The following CHST11 variants were observed in gnomAD, a reference collection of about 807,000 sequenced individuals.
CHST11 encodes carbohydrate sulfotransferase 11, also known as C4S-1.
In CHST11, 9 loss-of-function variants were observed where a neutral mutation model predicts 30.4. The ratio of observed to expected loss-of-function variants is 0.30; its 90% CI spans 0.18 to 0.52. The LOEUF is 0.52. Ranked by LOEUF, CHST11 falls within the 20% of genes least tolerant of loss-of-function variation. The pLI is 0.97. For missense variants in CHST11, 348 were observed against 460.6 expected (o/e 0.76, Z 2.24); for synonymous variants, 152 against 187.8 (o/e 0.81, Z 1.56).
chr12:104,646,101 C>T (rs2039427543), intron 2 of CHST11, among the ~76,000 whole-genome samples: 1 of 152,224 alleles, frequency 6.6e-6, no homozygotes. Flanking sequence ...GGTAATGGCT[C>T]CCATGCTGGC....
intron 1 of CHST11, among the ~76,000 whole-genome samples, chr12:104,530,043 C>T (rs1389259939): frequency 1.3e-5 from 2 of 152,098 alleles, no homozygotes; most frequent in Non-Finnish European, 2.9e-5. Flanking sequence ...CCTGTAATCC[C>T]AGCCAATTGG....
rs10695562 is a variant in CHST11, at chr12:104,761,501, A to ACACACACACACACACACACAC, written c.*3698_*3699insCACACACACACACACACACAC. The ACACACACACACACACACACAC allele has an allele frequency of 2.8e-5, 4 of 144,504 alleles. No individual in the cohort carries two copies. Among genetic ancestry groups the ACACACACACACACACACACAC allele is most frequent in the African/African-American group, 1.0e-4 (4 of 38,972 alleles). The allele number at this position is 144,504 out of a possible 1,614,324, so 9.0% of individuals were successfully genotyped here. On this transcript the variant is annotated 3_prime_UTR_variant, in exon 3 of 3. Coordinates refer to ENST00000303694, the MANE Select transcript of CHST11 (RefSeq NM_018413.6). ...CACACACACACACACACACACACAC[A>ACACACACACACACACACACAC]ATCTCAGCTGCGCCATTCTGTGCAA...
intron 1 of CHST11, among the ~76,000 whole-genome samples, chr12:104,481,847 A>T (rs1396405644): frequency 3.7e-3 from 465 of 125,572 alleles, no homozygotes; most frequent in Non-Finnish European, 2.2e-3. Context: ...TTTCTCTTGC[A>T]TTTTTTTTTT....
chr12:104,482,434 T>C (rs79831761), intron 1 of CHST11, among the ~76,000 whole-genome samples: 2,797 of 151,888 alleles, frequency 0.018, 38 homozygotes, highest in Middle Eastern at 0.044. Context: ...TACATCCACA[T>C]GGCTTTATTT....
At chr12:104,481,838 TTCTC>T (rs1451499583) in intron 1 of CHST11, among the ~76,000 whole-genome samples, 2 of 135,366 alleles carry the variant, frequency 1.5e-5, no homozygotes, top group Non-Finnish European at 3.1e-5. Flanking sequence ...TTTCCTTCCT[TTCTC>T]TTGCATTTTT....
chr12:104,524,646 C>T (rs2038106882), intron 1 of CHST11, among the ~76,000 whole-genome samples: 1 of 151,994 alleles, frequency 6.6e-6, no homozygotes, highest in Non-Finnish European at 1.5e-5. Flanking sequence ...ATCCATTCAT[C>T]CACCCATCCA....
chr12:104,650,134 T>C (rs1333275564), intron 2 of CHST11, among the ~76,000 whole-genome samples: 1 of 152,152 alleles, frequency 6.6e-6, no homozygotes. Flanking sequence ...ATAATGAAAA[T>C]TACCTACTCT....
chr12:104,587,845 G>T (rs60958670), intron 1 of CHST11, among the ~76,000 whole-genome samples: 327 of 17,390 alleles, frequency 0.019, 12 homozygotes, highest in East Asian at 0.035. Flanking sequence ...TTTGTTTTTT[G>T]TTTTTTTTTT....
intron 1 of CHST11, among the ~76,000 whole-genome samples, chr12:104,585,949 T>G (rs1191851493): frequency 6.6e-6 from 1 of 152,192 alleles, no homozygotes; most frequent in Non-Finnish European, 1.5e-5. Context: ...GTGGGTCCCC[T>G]CCTCTTCTCA....
chr12:104,511,407 G>A (rs888969676), intron 1 of CHST11, among the ~76,000 whole-genome samples: 5 of 152,282 alleles, frequency 3.3e-5, no homozygotes, highest in East Asian at 1.9e-4. Context: ...TAGAAGGCTC[G>A]TGTGATATGT....
intron 1 of CHST11, among the ~76,000 whole-genome samples, chr12:104,480,739 G>A (rs1281180698): frequency 6.6e-6 from 1 of 152,188 alleles, no homozygotes; most frequent in Non-Finnish European, 1.5e-5. Flanking sequence ...CATGAGCCAA[G>A]GAATGCCAGG....
At chr12:104,699,896 G>A (rs549139068) in intron 2 of CHST11, among the ~76,000 whole-genome samples, 2 of 152,116 alleles carry the variant, frequency 1.3e-5, no homozygotes, top group African/African-American at 2.4e-5. Flanking sequence ...GGGAGCCCTC[G>A]ATAATTTTAT....
chr12:104,563,128 C>T (rs2038529873), intron 1 of CHST11, among the ~76,000 whole-genome samples: 1 of 151,692 alleles, frequency 6.6e-6, no homozygotes, highest in Admixed American at 6.6e-5. Flanking sequence ...CAACCTCCGT[C>T]CCCCCGGGTT....
intron 2 of CHST11, among the ~76,000 whole-genome samples, chr12:104,704,117 A>G (rs2040013232): frequency 6.6e-6 from 1 of 152,118 alleles, no homozygotes; most frequent in Non-Finnish European, 1.5e-5. Flanking sequence ...CTGGGAAGCA[A>G]TGCACACACT....
At chr12:104,596,749 G>T (rs1376482435) in intron 1 of CHST11, among the ~76,000 whole-genome samples, 1 of 152,122 alleles carries the variant, frequency 6.6e-6, no homozygotes, top group East Asian at 1.9e-4. Flanking sequence ...ATTGTGTCAG[G>T]CATCAGATAC....
chr12:104,711,401 G>A (rs534427314), intron 2 of CHST11, among the ~76,000 whole-genome samples: 1 of 152,316 alleles, frequency 6.6e-6, no homozygotes, highest in Admixed American at 6.5e-5. Context: ...GCGTCACATG[G>A]AGATGGTAGG....
intron 2 of CHST11, among the ~76,000 whole-genome samples, chr12:104,741,493 G>A (rs1276968235): frequency 6.6e-6 from 1 of 152,190 alleles, no homozygotes. Context: ...GGACCTCTTT[G>A]GGTGCCTCTC....
At chr12:104,755,622 C>G (rs1401595689) in intron 2 of CHST11, among the ~76,000 whole-genome samples, 1 of 152,062 alleles carries the variant, frequency 6.6e-6, no homozygotes, top group Non-Finnish European at 1.5e-5. Context: ...CCCGTCTCTA[C>G]TAAAAATACA....
In CHST11 at chr12:104,520,847, C is replaced by A. The variant is rs555394831; in HGVS notation, c.118+63318C>A. ...GCAGCCAGTGGCGTGTGCAGCCACC[C>A]CTTCTGTTCTCTGACCCTGGAGGCT... On this transcript the variant is annotated intron_variant, in intron 1 of 2. Coordinates refer to ENST00000303694, the MANE Select transcript of CHST11 (RefSeq NM_018413.6). Among the ~76,000 whole-genome samples the A allele has an allele frequency of 2.0e-5, 3 of 152,282 alleles. No individual in the cohort carries two copies. In the South Asian group the frequency reaches 6.2e-4, roughly 32 times the overall value.
Sources: gnomAD v4.1 joint callset for allele counts (sites outside exome capture counted in the v4.1 genomes callset) on GRCh38, gnomAD v4.1.1 for gene constraint, MANE v1.5 for transcripts, NCBI Gene and HGNC (gene_info 2026-07-23, HGNC 2026-07-21) for gene names.